The following C8B variants were observed in gnomAD, a reference collection of about 807,000 sequenced individuals.
C8B encodes complement component C8 beta chain.
A neutral mutation model predicts 64.6 loss-of-function variants in C8B; 67 were observed. The observed-to-expected ratio is 1.04, with a 90% CI of 0.85 to 1.27. The LOEUF is 1.27. Among genes scored for constraint, C8B ranks in the 50% most tolerant of loss-of-function variants. The pLI is 0.00. For synonymous variants in C8B, 284 were observed against 257.7 expected (o/e 1.10, Z -0.98); for missense variants, 790 against 725.2 (o/e 1.09, Z -1.03).
At chr1:56,957,358 C>T (rs1175703338) in intron 2 of C8B, among the ~76,000 whole-genome samples, 8 of 152,160 alleles carry the variant, frequency 5.3e-5, no homozygotes, top group Non-Finnish European at 2.9e-5. Flanking sequence ...CTGAAGGCAT[C>T]AGTATATTAT....
At chr1:56,962,936 A>G (rs879620655) in intron 1 of C8B, among the ~76,000 whole-genome samples, 1 of 152,256 alleles carries the variant, frequency 6.6e-6, no homozygotes, top group Non-Finnish European at 1.5e-5. Context: ...TGATTCATAA[A>G]GAGATCTAGT....
intron 1 of C8B, chr1:56,964,091 A>G (rs1645217202): frequency 1.5e-6 from 1 of 684,756 alleles, no homozygotes; most frequent in Non-Finnish European, 1.8e-6. Flanking sequence ...CACATGCGTG[A>G]ATCTTTTCTT....
At chr1:56,934,936 G>T (rs1020501654) in intron 9 of C8B, among the ~76,000 whole-genome samples, 2 of 152,178 alleles carry the variant, frequency 1.3e-5, no homozygotes, top group African/African-American at 4.8e-5. Context: ...GGGGTTTGCT[G>T]CAGGAGGCAG....
chr1:56,958,933 C>G (rs1173805340), intron 2 of C8B, among the ~76,000 whole-genome samples: 1 of 152,206 alleles, frequency 6.6e-6, no homozygotes, highest in Non-Finnish European at 1.5e-5. Context: ...AGCAACCATT[C>G]TCTTTTCTCT....
Position 56,952,088 on chromosome 1 carries a change from C to T in C8B, c.626G>A (p.Arg209Lys). 1 of 1,614,110 alleles carries T rather than the reference C, an allele frequency of 6.2e-7. No individual in the cohort carries two copies. The highest frequency in any genetic ancestry group is 8.5e-7 in the Non-Finnish European group (1 of 1,180,010). Residue 209 changes from arginine to lysine, a missense_variant, in exon 5 of 12, where the codon AGG becomes AAG. Arg to Lys is a conservative substitution (Grantham distance 26). Transcript: ENST00000371237. ...GCSPHYILNTRFRKPYNVESY... is the reference protein window; with the variant it reads ...GCSPHYILNTKFRKPYNVESY... ...TTCCACATTGTAGGGCTTCCTAAAC[C>T]TCGTGTTCAGGATGTAATGCGGGGA...
chr1:56,933,316 A>G lies in C8B; in HGVS notation c.1552+19T>C, dbSNP rs1644728836. 2 of 1,609,426 alleles carry G rather than the reference A, an allele frequency of 1.2e-6. No individual in the cohort carries two copies. Among genetic ancestry groups the G allele is most frequent in the African/African-American group, 2.7e-5 (2 of 74,962 alleles). On this transcript the variant is annotated intron_variant, in intron 10 of 11. Transcript: ENST00000371237. ...GATTATGGCTTCCACCAGGGACACC[A>G]GCTGCCTGAAAGTGGTACCTTTCAG...
rs1644661681 is a variant in C8B, at chr1:56,929,386, C to T, written c.*18G>A. On this transcript the variant is annotated 3_prime_UTR_variant, in exon 12 of 12. Transcript: ENST00000371237. ...GCTCAGGGCTCTCATTGTATGTAGC[C>T]CACTGCTGTATCATCTGCTAGGAGC... 2 of 1,611,630 alleles carry T rather than the reference C, an allele frequency of 1.2e-6. No individual in the cohort carries two copies. The highest frequency in any genetic ancestry group is 2.7e-5 in the African/African-American group (2 of 74,822).
rs763019345 is a variant in C8B, at chr1:56,929,430, C to A, written c.1750G>T (p.Ala584Ser). 6.2e-7 allele frequency: 1 copy of A among 1,612,372 alleles called. No individual in the cohort carries two copies. Among genetic ancestry groups the A allele is most frequent in the South Asian group, 1.1e-5 (1 of 91,002 alleles). ...TAGGAGCAGTCAAGTGTTTCTGAAG[C>A]AGGGCCTGAACAGGGGCTACCCCCA... ...QNGGSPCSGP[A>S]SETLDCS is the part of the protein sequence containing the mutation. Residue 584 changes from alanine (A) to serine (S), a missense_variant, in exon 12 of 12, where the codon GCT (alanine) becomes TCT (serine). Transcript: ENST00000371237.
At chr1:56,956,680 T>G in intron 3 of C8B, 89 bp downstream of exon 3, 1 of 1,465,216 alleles carries the variant, frequency 6.8e-7, no homozygotes, top group Non-Finnish European at 9.5e-7. Context: ...GACCCTGATC[T>G]TGAGCACTGG....
chr1:56,935,014 C>A (rs536728321), intron 9 of C8B, among the ~76,000 whole-genome samples: 1 of 152,276 alleles, frequency 6.6e-6, no homozygotes, highest in South Asian at 2.1e-4. Flanking sequence ...GTGTGGAGGT[C>A]TACAAATATG....
chr1:56,959,648 G>A lies in C8B; in HGVS notation c.249+372C>T, dbSNP rs75528662. The A allele has an allele frequency of 5.0e-3, 7,733 of 1,533,738 alleles. 321 individuals are homozygous for A. In the African/African-American group the frequency reaches 0.093, roughly 19 times the overall value. On this transcript the variant is annotated intron_variant, in intron 2 of 11. Transcript: ENST00000371237. ...AGGGATCCTCGAAAACCATGATCCT[G>A]GACTTGATCCTAAGGGTCATGGGTA...
At position 56,949,661 on chromosome 1, in the gene C8B, C is replaced by T. The variant is rs1644991832; in HGVS notation, c.758G>A (p.Gly253Asp). The T allele has an allele frequency of 1.2e-6, 2 of 1,613,856 alleles. No homozygotes were observed. Among genetic ancestry groups the T allele is most frequent in the Non-Finnish European group, 1.7e-6 (2 of 1,179,922 alleles). ...NVTEKMASKS[G>D]FSFGFKIPGI... ...AGGTATTTTAAAACCAAAACTGAAA[C>T]CAGACTTGCTTGCCATTTTCTCTGT... The change falls in exon 6 of 12, where the codon GGT becomes GAT. Residue 253 changes from glycine (G) to aspartate (D), a missense_variant. Physicochemically the swap from Gly to Asp is moderately conservative, Grantham distance 94 (BLOSUM62 -1). Coordinates refer to ENST00000371237, the MANE Select transcript of C8B (RefSeq NM_000066.4).
At position 56,931,827 on chromosome 1, in the gene C8B, T is replaced by A. The variant is rs756429931; in HGVS notation, c.1604A>T (p.Glu535Val). 6.2e-7 allele frequency: 1 copy of A among 1,611,252 alleles called. No homozygotes were observed. Among genetic ancestry groups the A allele is most frequent in the South Asian group, 1.1e-5 (1 of 91,048 alleles). The change falls in exon 11 of 12, where the codon GAG becomes GTG. Residue 535 changes from glutamate to valine, a missense_variant. By Grantham distance (121) the Glu-to-Val change is moderately radical. Transcript: ENST00000371237. ...TAACTTACTCTTCCGATAGGAGACCTCACAGGCTAGGCCTTGGGATCCAAC... is the reference window on the plus strand; with the variant it reads ...TAACTTACTCTTCCGATAGGAGACCACACAGGCTAGGCCTTGGGATCCAAC... ...CPVGSQGLAC[E>V]VSYRKNTPID...
chr1:56,962,976 A>C (rs1645198992), intron 1 of C8B, among the ~76,000 whole-genome samples: 1 of 152,234 alleles, frequency 6.6e-6, no homozygotes, highest in African/African-American at 2.4e-5. Context: ...GTTCTATCAT[A>C]TGACACACAT....
intron 8 of C8B, among the ~76,000 whole-genome samples, chr1:56,941,503 T>C (rs1441851532): frequency 1.3e-4 from 4 of 31,090 alleles, no homozygotes; most frequent in Non-Finnish European, 2.3e-4. Context: ...AGTAGATAGA[T>C]AGATACATAG....
chr1:56,931,760 G>A (rs756765530), intron 11 of C8B, 50 bp downstream of exon 11: 4 of 1,283,448 alleles, frequency 3.1e-6, no homozygotes, highest in Admixed American at 1.7e-5. Context: ...CTCTTCTTCT[G>A]GTGAATTATT....
At chr1:56,930,908 G>A (rs1289098491) in intron 11 of C8B, among the ~76,000 whole-genome samples, 1 of 152,146 alleles carries the variant, frequency 6.6e-6, no homozygotes, top group Non-Finnish European at 1.5e-5. Context: ...ACAACTCTAT[G>A]AGGTTGTTAA....
intron 3 of C8B, 105 bp from the exon 4 acceptor site, chr1:56,954,932 T>G (rs927785242): frequency 4.3e-5 from 57 of 1,327,812 alleles, no homozygotes; most frequent in Admixed American, 1.4e-4. Context: ...AGGCCTTGCA[T>G]GCTGCCCTGT....
chr1:56,956,088 T>C (rs1375734513), intron 3 of C8B, among the ~76,000 whole-genome samples: 1 of 152,154 alleles, frequency 6.6e-6, no homozygotes, highest in African/African-American at 2.4e-5. Flanking sequence ...TTTTACCGGG[T>C]ATATCATGGA....
Sources: allele counts gnomAD v4.1 joint callset (sites outside exome capture counted in the v4.1 genomes callset), GRCh38; gene constraint gnomAD v4.1.1; transcripts MANE v1.5; gene names NCBI Gene and HGNC (gene_info 2026-07-23, HGNC 2026-07-21).